C10orf90: variants seen among roughly 807,000 people sequenced by gnomAD.
C10orf90 encodes the protein (E2-independent) E3 ubiquitin-conjugating enzyme FATS.
Under a neutral mutation model 62.5 loss-of-function variants are expected in C10orf90, and 56 were observed. The observed-to-expected ratio is 0.90, with a 90% confidence interval of 0.72 to 1.12. C10orf90 has a LOEUF of 1.12. C10orf90 is among the 50% of genes most tolerant of loss of function. The pLI, the probability that C10orf90 is intolerant of heterozygous loss-of-function variation, is 0.00. For synonymous variants in C10orf90, 386 were observed against 340.4 expected (o/e 1.13, Z -1.47); for missense variants, 970 against 880.4 (o/e 1.10, Z -1.29).
At chr10:126,525,683 C>T (rs974572198) in intron 2 of C10orf90, among the ~76,000 whole-genome samples, 1 of 152,148 alleles carries the variant, frequency 6.6e-6, no homozygotes, top group Admixed American at 6.5e-5. Context: ...AGGAAAAACC[C>T]AGGCTCAAGA....
chr10:126,436,707 G>T (rs909626624), intron 7 of C10orf90, among the ~76,000 whole-genome samples: 1 of 152,202 alleles, frequency 6.6e-6, no homozygotes, highest in African/African-American at 2.4e-5. Flanking sequence ...TGTTGCCCAG[G>T]GTGGAGTACA....
chr10:126,556,168 G>A (rs996939793), intron 2 of C10orf90, among the ~76,000 whole-genome samples: 2 of 152,200 alleles, frequency 1.3e-5, no homozygotes, highest in Admixed American at 6.5e-5. Flanking sequence ...AATGGCCGGG[G>A]TTGAGTGCTG....
At chr10:126,587,377 G>A (rs762787390) in intron 2 of C10orf90, among the ~76,000 whole-genome samples, 1 of 152,200 alleles carries the variant, frequency 6.6e-6, no homozygotes, top group African/African-American at 2.4e-5. Context: ...GAAGCTGGAG[G>A]TCTGAGGTCA....
At chr10:126,566,070 C>G (rs555829977) in intron 2 of C10orf90, among the ~76,000 whole-genome samples, 7 of 152,162 alleles carry the variant, frequency 4.6e-5, no homozygotes, top group Non-Finnish European at 7.4e-5. Context: ...GGGCTCATTG[C>G]CCAGCCAGGT....
chr10:126,439,407 AAAC>A (rs1048067612), intron 7 of C10orf90, among the ~76,000 whole-genome samples: 6 of 152,208 alleles, frequency 3.9e-5, no homozygotes, highest in Non-Finnish European at 7.3e-5. Flanking sequence ...CAAAACAGAA[AAAC>A]AACAAGAAGG....
At chr10:126,578,882 C>T (rs1003295339) in intron 2 of C10orf90, among the ~76,000 whole-genome samples, 12 of 152,198 alleles carry the variant, frequency 7.9e-5, no homozygotes, top group African/African-American at 2.9e-4. Context: ...AATAGGCCAA[C>T]GATCTGGCCA....
chr10:126,554,585 T>C (rs917247776), intron 2 of C10orf90, among the ~76,000 whole-genome samples: 5 of 152,234 alleles, frequency 3.3e-5, no homozygotes, highest in Non-Finnish European at 2.9e-5. Flanking sequence ...GCAAAGTGCA[T>C]AGCAATCACT....
At chr10:126,532,760 C>T (rs1864129207) in intron 2 of C10orf90, among the ~76,000 whole-genome samples, 1 of 137,634 alleles carries the variant, frequency 7.3e-6, no homozygotes, top group African/African-American at 2.8e-5. Flanking sequence ...TGGCGTGAAC[C>T]CGGGAGGCGG....
In C10orf90 at chr10:126,556,267, G is replaced by A. The variant is rs188280394; in HGVS notation, c.314-42328C>T. Among the ~76,000 whole-genome samples the A allele has an allele frequency of 8.5e-5, 13 of 152,272 alleles. No individual in the cohort carries two copies. In the East Asian group the frequency reaches 1.9e-3, roughly 23 times the overall value. On this transcript the variant is annotated intron_variant, in intron 2 of 9. Coordinates refer to ENST00000488181, the MANE Select transcript of C10orf90 (RefSeq NM_001350921.2). ...TGCACAATTGCAAAATGTCAACAGC[G>A]AGTACTACAGAGGGACAAGGATGCA...
At chr10:126,549,824 C>A (rs1448402019) in intron 2 of C10orf90, among the ~76,000 whole-genome samples, 2 of 151,766 alleles carry the variant, frequency 1.3e-5, no homozygotes, top group African/African-American at 4.8e-5. Flanking sequence ...GCATCCATAT[C>A]ATGGGACGCT....
At chr10:126,466,990 A>T (rs1177079519) in intron 4 of C10orf90, among the ~76,000 whole-genome samples, 1 of 152,252 alleles carries the variant, frequency 6.6e-6, no homozygotes, top group Non-Finnish European at 1.5e-5. Flanking sequence ...AAGCTCTCTG[A>T]CAGAATCAAA....
chr10:126,460,029 G>A (rs547595552), intron 6 of C10orf90, among the ~76,000 whole-genome samples: 1 of 152,310 alleles, frequency 6.6e-6, no homozygotes, highest in South Asian at 2.1e-4. Flanking sequence ...AGATCACATG[G>A]TAACACCCTA....
At chr10:126,634,572 C>T (rs886165100) in intron 2 of C10orf90, among the ~76,000 whole-genome samples, 1 of 151,950 alleles carries the variant, frequency 6.6e-6, no homozygotes. Flanking sequence ...AACAAGTGTA[C>T]AATAGCGTAT....
At chr10:126,495,402 C>G (rs1591009872) in intron 4 of C10orf90, among the ~76,000 whole-genome samples, 1 of 152,216 alleles carries the variant, frequency 6.6e-6, no homozygotes, top group East Asian at 1.9e-4. Flanking sequence ...TCTGATAAAA[C>G]CCTTGTACCA....
intron 2 of C10orf90, among the ~76,000 whole-genome samples, chr10:126,644,178 C>G (rs1400557722): frequency 6.6e-6 from 1 of 152,230 alleles, no homozygotes; most frequent in Non-Finnish European, 1.5e-5. Flanking sequence ...ACCTTAGATA[C>G]TAAGCTCCTC....
intron 2 of C10orf90, among the ~76,000 whole-genome samples, chr10:126,587,744 T>C (rs1844901945): frequency 6.6e-6 from 1 of 152,230 alleles, no homozygotes; most frequent in Admixed American, 6.5e-5. Flanking sequence ...CATTTAGTAA[T>C]ATTAATTTGC....
intron 2 of C10orf90, among the ~76,000 whole-genome samples, chr10:126,529,295 CATG>C (rs1864031865): frequency 6.6e-6 from 1 of 152,106 alleles, no homozygotes; most frequent in African/African-American, 2.4e-5. Flanking sequence ...TTAATATTTT[CATG>C]ATCCTGAATA....
chr10:126,516,698 C>T lies in C10orf90; in HGVS notation c.314-2759G>A, dbSNP rs375529803. On this transcript the variant is annotated intron_variant, in intron 2 of 9. Coordinates refer to ENST00000488181, the MANE Select transcript of C10orf90 (RefSeq NM_001350921.2). ...GAGCATGAGCTGCCTGTGGCTGCTGCGACAAACGACCACAAATTCAGGGCT... is the reference window on the plus strand; with the variant it reads ...GAGCATGAGCTGCCTGTGGCTGCTGTGACAAACGACCACAAATTCAGGGCT... 1.4e-4 allele frequency among the ~76,000 whole-genome samples: 22 copies of T among 152,180 alleles called. No individual in the cohort carries two copies. The East Asian group carries it at 2.3e-3, about 16-fold the overall frequency.
At chr10:126,489,979 ATATATATATAATATATATTATATAT>A (rs1195638323) in intron 4 of C10orf90, among the ~76,000 whole-genome samples, 51 of 119,770 alleles carry the variant, frequency 4.3e-4, no homozygotes, top group African/African-American at 1.4e-3. Flanking sequence ...TATACATATA[ATATATATATAATATATATTATATAT>A]TATATATATT....
Sources: allele counts gnomAD v4.1 joint callset (sites outside exome capture counted in the v4.1 genomes callset), GRCh38; gene constraint gnomAD v4.1.1; transcripts MANE v1.5; gene names NCBI Gene and HGNC (gene_info 2026-07-23, HGNC 2026-07-21).